RRAS2: variants seen among roughly 807,000 people sequenced by gnomAD.
The protein encoded by RRAS2 is RAS related 2, also known as ras-related protein R-Ras2.
A neutral mutation model predicts 27.6 loss-of-function variants in RRAS2; 7 were observed. The observed-to-expected ratio is 0.25, with a 90% CI of 0.14 to 0.48. The LOEUF is 0.48. Among genes scored for constraint, RRAS2 ranks in the 20% least tolerant of loss-of-function variants. The pLI is 0.99. For synonymous variants in RRAS2, 86 were observed against 90.9 expected, an observed-to-expected ratio of 0.95 and a Z score of 0.31; for missense variants, 178 against 256.2, an observed-to-expected ratio of 0.69 and a Z score of 2.08.
At chr11:14,301,598 C>CA (rs1847707026) in intron 1 of RRAS2, among the ~76,000 whole-genome samples, 1 of 152,208 alleles carries the variant, frequency 6.6e-6, no homozygotes, top group South Asian at 2.1e-4. Flanking sequence ...GCTTAAACAT[C>CA]AAATAACTTT....
At chr11:14,308,123 T>C (rs1384194472) in intron 1 of RRAS2, 1 of 275,268 alleles carries the variant, frequency 3.6e-6, no homozygotes, top group East Asian at 1.2e-4. Flanking sequence ...GCAAGATATG[T>C]TGTTAAATAC....
At position 14,334,181 on chromosome 11, in the gene RRAS2, C is replaced by G. The variant is rs576455196; in HGVS notation, c.108+24582G>C. Among the ~76,000 whole-genome samples, 11 of 152,268 alleles carry G rather than the reference C, an allele frequency of 7.2e-5. No individual in the cohort carries two copies. In the East Asian group the frequency reaches 1.4e-3, roughly 19 times the overall value. ...GCTTGTTGATTTCCAATCTCAATAG[C>G]AGCACGAGAGTGCCCATTTCCCATA... On this transcript the variant is annotated intron_variant, in intron 1 of 5. Coordinates refer to ENST00000256196, the MANE Select transcript of RRAS2 (RefSeq NM_012250.6).
intron 2 of RRAS2, 138 bp downstream of exon 2, chr11:14,295,630 C>A: frequency 1.6e-6 from 1 of 613,872 alleles, no homozygotes; most frequent in South Asian, 3.2e-5. Flanking sequence ...ACTCTTCAAT[C>A]AAAACTTATA....
rs1284492585 is a variant in RRAS2, at chr11:14,358,354, C to T, written c.108+409G>A. ...ACCGCTATCGCCCCGACGGTGAAGG[C>T]GCGGCCGCAGGCGGCTGGAAAAGCA... On this transcript the variant is annotated intron_variant, in intron 1 of 5. Transcript: ENST00000256196. The surrounding 1 kb of genome is among the most constrained non-coding windows in gnomAD (Gnocchi z 5.1). 17 of 985,418 alleles carry T rather than the reference C, an allele frequency of 1.7e-5. No homozygotes were observed. The highest frequency in any genetic ancestry group is 1.8e-5 in the Non-Finnish European group (15 of 830,032). 61.0% of individuals were successfully genotyped at this position (985,418 alleles called of 1,614,324 possible).
At chr11:14,339,164 G>A (rs1308628362) in intron 1 of RRAS2, among the ~76,000 whole-genome samples, 2 of 151,446 alleles carry the variant, frequency 1.3e-5, no homozygotes, top group Non-Finnish European at 2.9e-5. Context: ...AGCTGGCCCG[G>A]GCTCAGTGGC....
chr11:14,287,654 CT>C (rs1327129427), intron 4 of RRAS2, among the ~76,000 whole-genome samples: 1 of 151,860 alleles, frequency 6.6e-6, no homozygotes, highest in Non-Finnish European at 1.5e-5. Context: ...GGTGGATCAC[CT>C]AAGGTCGGGA....
In RRAS2 at chr11:14,295,727, A is replaced by G. The variant is rs782067450; in HGVS notation, c.196+41T>C. The stretch of plus-strand genomic sequence containing the variant: ...AACATCAGCGCTTACTTTTTTAAAA[A>G]ATATGATATGCAAATTATCAAACAA... On this transcript the variant is annotated intron_variant, in intron 2 of 5. Coordinates refer to ENST00000256196, the MANE Select transcript of RRAS2 (RefSeq NM_012250.6). 3.3e-6 allele frequency: 5 copies of G among 1,493,358 alleles called. No individual in the cohort carries two copies. The Admixed American group carries it at 1.0e-4, about 30-fold the overall frequency. 92.5% of individuals were successfully genotyped at this position (1,493,358 alleles called of 1,614,324 possible). A position where few individuals can be genotyped will look rare whatever the true frequency, so the allele number is the denominator to read the frequency against.
chr11:14,325,449 G>A lies in RRAS2; in HGVS notation c.109-29594C>T, dbSNP rs550442719. 5.0e-3 allele frequency among the ~76,000 whole-genome samples: 764 copies of A among 151,856 alleles called. 4 individuals are homozygous for A. Among genetic ancestry groups the A allele is most frequent in the African/African-American group, 0.018 (733 of 41,394 alleles). ...GCCTCAGCCTCCTGGGACTACAGGCGCCTGCCACGACGCCTGGCTTTTTGT... is the reference window on the plus strand; with the variant it reads ...GCCTCAGCCTCCTGGGACTACAGGCACCTGCCACGACGCCTGGCTTTTTGT... On this transcript the variant is annotated intron_variant, in intron 1 of 5. Coordinates refer to ENST00000256196, the MANE Select transcript of RRAS2 (RefSeq NM_012250.6).
chr11:14,284,971 T>G (rs545683025), intron 4 of RRAS2, among the ~76,000 whole-genome samples: 1 of 152,322 alleles, frequency 6.6e-6, no homozygotes, highest in African/African-American at 2.4e-5. Context: ...GCCTTTTAAT[T>G]GAGACATTTG....
intron 1 of RRAS2, among the ~76,000 whole-genome samples, chr11:14,319,548 C>T (rs1370815694): frequency 1.3e-5 from 2 of 151,458 alleles, no homozygotes; most frequent in African/African-American, 2.4e-5. Flanking sequence ...TTAGTAGAGA[C>T]GGGGTTTCAC....
At chr11:14,339,297 G>GGT (rs1848651185) in intron 1 of RRAS2, among the ~76,000 whole-genome samples, 1 of 130,944 alleles carries the variant, frequency 7.6e-6, no homozygotes, top group African/African-American at 2.7e-5. Flanking sequence ...AAAAAAAGGG[G>GGT]GGGGGGGGAA....
At chr11:14,342,383 A>C (rs1324230692) in intron 1 of RRAS2, among the ~76,000 whole-genome samples, 1 of 152,240 alleles carries the variant, frequency 6.6e-6, no homozygotes, top group East Asian at 1.9e-4. Context: ...CCTCATCTGT[A>C]GGATGGAAAT....
upstream of RRAS2, chr11:14,359,193 GC>G: frequency 1.0e-6 from 1 of 998,958 alleles, no homozygotes; most frequent in Non-Finnish European, 1.2e-6. Flanking sequence ...TGGGGGCCGG[GC>G]TGCCAGGCTG....
intron 1 of RRAS2, 96 bp from the exon 2 acceptor site, chr11:14,295,951 T>A: frequency 1.6e-5 from 15 of 956,254 alleles, no homozygotes; most frequent in Non-Finnish European, 1.9e-5. Context: ...GGGAGAAGGA[T>A]CACTTGAGGC....
Position 14,359,145 on chromosome 11 carries a change from G to A in RRAS2, c.-275C>T, listed in dbSNP as rs1042457599. The stretch of plus-strand genomic sequence containing the variant: ...TCCTCTACGCGTCTCCGCAGCGCCT[G>A]CCGAACGCAGCCTCCAGCGCCGCCA... On this transcript the variant is annotated 5_prime_UTR_variant, in exon 1 of 6. Transcript: ENST00000256196. 21 of 1,023,546 alleles carry A rather than the reference G, an allele frequency of 2.1e-5. 1 individual carries two copies. In the East Asian group the frequency reaches 4.4e-4, roughly 22 times the overall value. The allele number at this position is 1,023,546 out of a possible 1,614,324, so 63.4% of individuals were successfully genotyped here.
intron 1 of RRAS2, among the ~76,000 whole-genome samples, chr11:14,304,097 GC>G (rs1333968480): frequency 1.4e-4 from 21 of 152,276 alleles, no homozygotes; most frequent in South Asian, 1.0e-3. Flanking sequence ...AGTACAAAGT[GC>G]TAACATACAG....
At chr11:14,310,243 T>C (rs190060758) in intron 1 of RRAS2, among the ~76,000 whole-genome samples, 1 of 152,312 alleles carries the variant, frequency 6.6e-6, no homozygotes, top group East Asian at 1.9e-4. Flanking sequence ...CAGAGTGGTT[T>C]TGTACATGTT....
At chr11:14,330,340 A>G (rs1848459453) in intron 1 of RRAS2, among the ~76,000 whole-genome samples, 1 of 152,124 alleles carries the variant, frequency 6.6e-6, no homozygotes, top group East Asian at 1.9e-4. Context: ...TGGGAGGCCC[A>G]ATCTATATAA....
At chr11:14,304,858 A>G (rs1554947882) in intron 1 of RRAS2, among the ~76,000 whole-genome samples, 2 of 152,168 alleles carry the variant, frequency 1.3e-5, no homozygotes, top group Non-Finnish European at 2.9e-5. Flanking sequence ...GTCACAGAGA[A>G]CCTTTGTTCC....
Sources: allele counts gnomAD v4.1 joint callset (sites outside exome capture counted in the v4.1 genomes callset), GRCh38; gene constraint gnomAD v4.1.1; non-coding constraint Gnocchi (gnomAD v3.1); transcripts MANE v1.5; gene names NCBI Gene and HGNC (gene_info 2026-07-23, HGNC 2026-07-21).